Variants in GRM8 observed in about 807,000 individuals in gnomAD.
GRM8 encodes glutamate metabotropic receptor 8.
In GRM8, 47 loss-of-function variants were observed where a neutral mutation model predicts 87.2. That is an observed-to-expected ratio of 0.54 (90% CI 0.43 to 0.69). The LOEUF (loss-of-function observed/expected upper bound fraction) is 0.69, where lower values mean the gene tolerates loss of function less well. Ranked by LOEUF, GRM8 falls within the 30% of genes least tolerant of loss-of-function variation. GRM8 has a pLI of 0.00. For missense variants in GRM8, 1,019 were observed against 1,139.2 expected (o/e 0.89, Z 1.52); for synonymous variants, 396 against 404.5 (o/e 0.98, Z 0.25).
chr7:126,499,057 A>T (rs1345208), intron 9 of GRM8, among the ~76,000 whole-genome samples: 51,962 of 151,714 alleles, frequency 0.34, 9,666 homozygotes, highest in Non-Finnish European at 0.4. Context: ...TCTATGAGAG[A>T]TTTACTCAGA....
intron 3 of GRM8, among the ~76,000 whole-genome samples, chr7:127,087,307 G>T (rs1264609818): frequency 6.6e-6 from 1 of 152,196 alleles, no homozygotes; most frequent in African/African-American, 2.4e-5. Flanking sequence ...TTTAATAACT[G>T]AAATGAGACT....
At chr7:126,995,597 CAT>C (rs1813103254) in intron 3 of GRM8, among the ~76,000 whole-genome samples, 1 of 152,136 alleles carries the variant, frequency 6.6e-6, no homozygotes, top group Admixed American at 6.5e-5. Context: ...CTCTTAATAA[CAT>C]AACTGCTCAA....
At chr7:126,529,666 G>A (rs1470915113) in intron 9 of GRM8, among the ~76,000 whole-genome samples, 1 of 152,096 alleles carries the variant, frequency 6.6e-6, no homozygotes, top group African/African-American at 2.4e-5. Flanking sequence ...CTCATTGGAG[G>A]TTGACAGTGT....
chr7:127,210,422 G>T (rs1420340750), intron 2 of GRM8, among the ~76,000 whole-genome samples: 1 of 152,174 alleles, frequency 6.6e-6, no homozygotes, highest in Non-Finnish European at 1.5e-5. Flanking sequence ...AATGTTCCAC[G>T]CCTGTGAAAC....
intron 7 of GRM8, among the ~76,000 whole-genome samples, chr7:126,611,337 T>C (rs1024689582): frequency 4.6e-5 from 7 of 152,198 alleles, no homozygotes; most frequent in African/African-American, 1.7e-4. Flanking sequence ...CATAGAGTTG[T>C]TGTGAGAATT....
chr7:126,574,622 C>T (rs1211670888), intron 8 of GRM8, among the ~76,000 whole-genome samples: 1 of 152,164 alleles, frequency 6.6e-6, no homozygotes, highest in Non-Finnish European at 1.5e-5. Flanking sequence ...TTCCAACTCT[C>T]TCTTCACTTT....
chr7:126,449,583 G>A (rs576363564), intron 9 of GRM8, among the ~76,000 whole-genome samples: 3 of 151,896 alleles, frequency 2.0e-5, no homozygotes, highest in Non-Finnish European at 4.4e-5. Flanking sequence ...CTGACTATAC[G>A]ATGTTGAGGA....
intron 7 of GRM8, among the ~76,000 whole-genome samples, chr7:126,753,787 G>C (rs1016401322): frequency 3.3e-5 from 5 of 151,744 alleles, no homozygotes; most frequent in Non-Finnish European, 7.4e-5. Context: ...ATACAAAATA[G>C]GCAGGCAGTT....
intron 2 of GRM8, among the ~76,000 whole-genome samples, chr7:127,227,628 C>T (rs1797420959): frequency 6.6e-6 from 1 of 152,160 alleles, no homozygotes; most frequent in Admixed American, 6.5e-5. Context: ...CCACATCCTG[C>T]CATCAGCTTC....
At chr7:126,519,676 A>G (rs1056701370) in intron 9 of GRM8, among the ~76,000 whole-genome samples, 1 of 152,134 alleles carries the variant, frequency 6.6e-6, no homozygotes, top group African/African-American at 2.4e-5. Context: ...ACCACCCTGA[A>G]CGTGCCTGAT....
At chr7:126,658,362 C>T (rs1804767676) in intron 7 of GRM8, among the ~76,000 whole-genome samples, 1 of 152,056 alleles carries the variant, frequency 6.6e-6, no homozygotes, top group African/African-American at 2.4e-5. Flanking sequence ...TGGCCTTATA[C>T]TTGAGGGAGA....
At chr7:126,648,048 A>T (rs868167141) in intron 7 of GRM8, among the ~76,000 whole-genome samples, 13 of 152,116 alleles carry the variant, frequency 8.5e-5, no homozygotes, top group African/African-American at 3.1e-4. Context: ...CTCACATTCA[A>T]TTCTCCAGGA....
intron 3 of GRM8, among the ~76,000 whole-genome samples, chr7:127,048,112 A>C (rs541151248): frequency 6.6e-6 from 1 of 152,346 alleles, no homozygotes; most frequent in South Asian, 2.1e-4. Flanking sequence ...AAAATAGAGC[A>C]AATAGTAAGT....
intron 2 of GRM8, among the ~76,000 whole-genome samples, chr7:127,195,594 T>C (rs1281945589): frequency 1.3e-5 from 2 of 152,168 alleles, no homozygotes; most frequent in African/African-American, 2.4e-5. Context: ...TCCGGACCTA[T>C]GCACTTTCAC....
At chr7:127,099,592 G>A (rs1483537271) in intron 3 of GRM8, among the ~76,000 whole-genome samples, 1 of 152,164 alleles carries the variant, frequency 6.6e-6, no homozygotes, top group Non-Finnish European at 1.5e-5. Context: ...AATCAGGATT[G>A]GGAGAGTAGA....
intron 6 of GRM8, among the ~76,000 whole-genome samples, chr7:126,788,387 G>T (rs1585934702): frequency 4.8e-4 from 1 of 2,070 alleles, no homozygotes; most frequent in African/African-American, 8.5e-4. Context: ...TTTAGCCTGG[G>T]TATCAGAGCA....
At chr7:126,682,663 G>T (rs1407141356) in intron 7 of GRM8, among the ~76,000 whole-genome samples, 3 of 152,162 alleles carry the variant, frequency 2.0e-5, no homozygotes, top group African/African-American at 7.2e-5. Context: ...ATTGTCTATG[G>T]CTGTTTTGAG....
At chr7:126,726,695 C>T (rs1385140615) in intron 7 of GRM8, among the ~76,000 whole-genome samples, 3 of 152,086 alleles carry the variant, frequency 2.0e-5, no homozygotes, top group African/African-American at 7.2e-5. Context: ...GTATCTGCCC[C>T]TATCTCCCAG....
chr7:126,882,009 A>G (rs1728731824), intron 6 of GRM8, among the ~76,000 whole-genome samples: 1 of 152,124 alleles, frequency 6.6e-6, no homozygotes, highest in South Asian at 2.1e-4. Context: ...CCTGGCCTTA[A>G]CAAATATGGC....
Sources: gnomAD v4.1 joint callset for allele counts (sites outside exome capture counted in the v4.1 genomes callset) on GRCh38, gnomAD v4.1.1 for gene constraint, MANE v1.5 for transcripts, NCBI Gene and HGNC (gene_info 2026-07-23, HGNC 2026-07-21) for gene names.